ULK1: variants seen among roughly 807,000 people sequenced by gnomAD.
ULK1 encodes serine/threonine-protein kinase ULK1.
A neutral mutation model predicts 117.5 loss-of-function variants in ULK1; 48 were observed. That is an observed-to-expected ratio of 0.41 (90% CI 0.32 to 0.52). ULK1 has a LOEUF of 0.52. Ranked by LOEUF, ULK1 falls within the 20% of genes least tolerant of loss-of-function variation. The pLI is 0.29. For synonymous variants in ULK1, 790 were observed against 637.8 expected (o/e 1.24, Z -3.60); for missense variants, 1,387 against 1,473.4 (o/e 0.94, Z 0.96).
chr12:131,916,316 C>A (rs764828596), intron 19 of ULK1, 82 bp from the exon 20 acceptor site: 22 of 1,514,802 alleles, frequency 1.5e-5, no homozygotes, highest in Non-Finnish European at 1.9e-5. Context: ...CCAGTTCCTG[C>A]GGACTCGGCC....
intron 3 of ULK1, among the ~76,000 whole-genome samples, chr12:131,904,919 A>C (rs1889215837): frequency 6.6e-6 from 1 of 152,124 alleles, no homozygotes; most frequent in East Asian, 1.9e-4. Flanking sequence ...CTGTCCCTGC[A>C]GTCCCCCTTG....
chr12:131,917,439 G>A lies in ULK1; in HGVS notation c.2211G>A (p.Leu737=). 2 of 1,541,216 alleles carry A rather than the reference G, an allele frequency of 1.3e-6. No individual in the cohort carries two copies. The highest frequency in any genetic ancestry group is 2.4e-5 in the East Asian group (1 of 40,878). Residue 737 remains leucine, a synonymous_variant, in exon 22 of 28, where the codon CTG becomes CTA. Coordinates refer to ENST00000321867, the MANE Select transcript of ULK1 (RefSeq NM_003565.4). ...CCTCAGCTGGCTTTGGAGGGAGCCT[G>A]CACCCAGGAGCCCGTGCTGGGGGCA... ...IAPSAGFGGS[L]HPGARAGGTS...
rs200379701 is a variant in ULK1 at position 131,895,769 on chromosome 12, G to C, written c.205-14G>C. ...CCTCCCCACACTGATAACAAACTTG[G>C]GTTTCTGTCCTAGGAACTGAAACAT... On this transcript the variant is annotated splice_polypyrimidine_tract_variant and intron_variant, in intron 2 of 27. Coordinates refer to ENST00000321867, the MANE Select transcript of ULK1 (RefSeq NM_003565.4). The C allele has an allele frequency of 6.2e-7, 1 of 1,613,976 alleles. No individual in the cohort carries two copies.
rs1000378314 is a variant in ULK1 at position 131,921,879 on chromosome 12, C to A, written c.*518C>A. On this transcript the variant is annotated 3_prime_UTR_variant, in exon 28 of 28. Transcript: ENST00000321867. ...GACAGAACCTGGACCTCACCAGGGA[C>A]TGCTGGGCAGCGATTCCTGGCAGTG... is the stretch of plus-strand genomic sequence containing the variant. 4 of 458,480 alleles carry A rather than the reference C, an allele frequency of 8.7e-6. No individual in the cohort carries two copies. The highest frequency in any genetic ancestry group is 8.0e-5 in the African/African-American group (4 of 50,178). The allele number at this position is 458,480 out of a possible 1,614,324, so 28.4% of individuals were successfully genotyped here. A position where few individuals can be genotyped will look rare whatever the true frequency, so the allele number is the denominator to read the frequency against.
chr12:131,895,036 G>C lies in ULK1; in HGVS notation c.35G>C (p.Gly12Ala). 1 of 1,576,880 alleles carries C rather than the reference G, an allele frequency of 6.3e-7. No individual in the cohort carries two copies. ...EPGRGGTETV[G>A]KFEFSRKDLI... Reference sequence around the variant, plus strand: ...GGCCGCGGCGGCACAGAGACCGTGGGCAAGTTCGAGTTCTCCCGCAAGGAC... The same window carrying C: ...GGCCGCGGCGGCACAGAGACCGTGGCCAAGTTCGAGTTCTCCCGCAAGGAC... Residue 12 changes from glycine to alanine, a missense_variant, in exon 1 of 28, where the codon GGC (glycine) becomes GCC (alanine). Gly to Ala is a moderately conservative substitution (Grantham distance 60, BLOSUM62 0). Coordinates refer to ENST00000321867, the MANE Select transcript of ULK1 (RefSeq NM_003565.4).
At chr12:131,916,928 A>G (rs1245663723) in intron 20 of ULK1, 25 bp from the exon 21 acceptor site, 2 of 1,586,294 alleles carry the variant, frequency 1.3e-6, no homozygotes, top group African/African-American at 2.7e-5. Context: ...CCGGGCACCC[A>G]GCACAGCCCT....
chr12:131,911,912 C>T (rs149791107), intron 12 of ULK1, 30 bp from the exon 13 acceptor site: 5 of 1,612,730 alleles, frequency 3.1e-6, no homozygotes, highest in Non-Finnish European at 4.2e-6. Context: ...TCCCTGAGAC[C>T]TGCTCACCAG....
At position 131,903,293 on chromosome 12, in the gene ULK1, C is replaced by T. The variant is rs1242878951; in HGVS notation, c.247-3599C>T. Among the ~76,000 whole-genome samples the T allele has an allele frequency of 1.3e-5, 2 of 152,228 alleles. No homozygotes were observed. Among genetic ancestry groups the T allele is most frequent in the Non-Finnish European group, 2.9e-5 (2 of 68,032 alleles). ...GGGTTGGAGACAGCAAGGCTAGGTC[C>T]TTCCGGGGACACAGAGGGTGACTGG... is the stretch of plus-strand genomic sequence containing the variant. On this transcript the variant is annotated intron_variant, in intron 3 of 27. Transcript: ENST00000321867. The surrounding 1 kb of genome is among the most constrained non-coding windows in gnomAD (Gnocchi z 6.0).
chr12:131,915,501 C>G, intron 18 of ULK1, 80 bp downstream of exon 18: 1 of 1,507,502 alleles, frequency 6.6e-7, no homozygotes, highest in Non-Finnish European at 8.9e-7. Context: ...AAAGCCCTTG[C>G]TCTTTCCAAG....
rs1246783301 is a variant in ULK1 at position 131,919,487 on chromosome 12, G to C, written c.2700G>C (p.Leu900=). 6 of 1,611,580 alleles carry C rather than the reference G, an allele frequency of 3.7e-6. No homozygotes were observed. The highest frequency in any genetic ancestry group is 3.3e-4 in the Middle Eastern group (2 of 6,050). The change falls in exon 25 of 28, where the codon CTG becomes CTC. Residue 900 remains leucine (L), a synonymous_variant. Coordinates refer to ENST00000321867, the MANE Select transcript of ULK1 (RefSeq NM_003565.4). The part of the protein sequence containing the change: ...LSREWGFAEQ[L]VLYLKVAELL... ...CCGCCCCCAGCTTCGCGGAACAGCT[G>C]GTGCTGTACCTGAAGGTGGCCGAGC...
At chr12:131,906,149 A>G (rs1889265324) in intron 3 of ULK1, among the ~76,000 whole-genome samples, 1 of 151,914 alleles carries the variant, frequency 6.6e-6, no homozygotes, top group African/African-American at 2.4e-5. Flanking sequence ...GCTGGAGTGC[A>G]GTGGCACAGT....
chr12:131,909,463 C>T (rs377198566), intron 8 of ULK1, among the ~76,000 whole-genome samples: 2 of 152,116 alleles, frequency 1.3e-5, no homozygotes, highest in East Asian at 1.9e-4. Context: ...AGGCCTCCCT[C>T]GCCTGTCTGG....
chr12:131,908,513 C>CGG, intron 5 of ULK1, 131 bp from the exon 6 acceptor site: 1 of 1,173,100 alleles, frequency 8.5e-7, no homozygotes, highest in Non-Finnish European at 1.1e-6. Context: ...CCTCCTGACC[C>CGG]GGGGTTTCCT....
In ULK1 at chr12:131,922,158, T is replaced by C. The variant is rs1890178830; in HGVS notation, c.*797T>C. 2.7e-6 allele frequency: 1 copy of C among 371,666 alleles called. No homozygotes were observed. Among genetic ancestry groups the C allele is most frequent in the African/African-American group, 2.1e-5 (1 of 46,998 alleles). The allele number at this position is 371,666 out of a possible 1,614,324, so 23.0% of individuals were successfully genotyped here. ...ACTTTATTCCTAAAACGTGTCTTATTTTTATGCAGCTCATTTTTTCTTTAA... is the reference window on the plus strand; with the variant it reads ...ACTTTATTCCTAAAACGTGTCTTATCTTTATGCAGCTCATTTTTTCTTTAA... On this transcript the variant is annotated 3_prime_UTR_variant, in exon 28 of 28. Coordinates refer to ENST00000321867, the MANE Select transcript of ULK1 (RefSeq NM_003565.4).
rs756859690 is a variant in ULK1 at position 131,910,733 on chromosome 12, CG to C, written c.882del (p.Tyr295ThrfsTer88). 6.2e-7 allele frequency: 1 copy of C among 1,613,054 alleles called. No homozygotes were observed. The highest frequency in any genetic ancestry group is 8.5e-7 in the Non-Finnish European group (1 of 1,179,916). The part of the protein sequence containing the change: ...VRKSPPVPVP[S>X]YPSSGSGSSS... ...TCAGCCCCACCCGTGCCTGTGCCCT[CG>C]TACCCAAGCTCGGGGTCCGGCAGCA... On this transcript the variant is annotated frameshift_variant, in exon 12 of 28. Transcript: ENST00000321867. LOFTEE classifies it high-confidence loss of function.
At chr12:131,909,662 C>T (rs985461481) in intron 8 of ULK1, 113 bp from the exon 9 acceptor site, 10 of 1,163,218 alleles carry the variant, frequency 8.6e-6, no homozygotes, top group South Asian at 4.8e-5. Context: ...CGGTTTCCCC[C>T]GGGCTTCGCA....
chr12:131,914,107 C>T (rs940767470), intron 15 of ULK1, among the ~76,000 whole-genome samples: 3 of 152,254 alleles, frequency 2.0e-5, no homozygotes, highest in Non-Finnish European at 2.9e-5. Context: ...GGCCAGGGCC[C>T]CGGCCAGGGT....
At chr12:131,895,979 C>G (rs1888850173) in intron 3 of ULK1, among the ~76,000 whole-genome samples, 155 bp downstream of exon 3, 1 of 152,002 alleles carries the variant, frequency 6.6e-6, no homozygotes, top group African/African-American at 2.4e-5. Context: ...TGGGCTGGTG[C>G]TGGCTCTTGC....
At chr12:131,918,316 A>C in intron 22 of ULK1, 181 bp from the exon 23 acceptor site, 2 of 720,044 alleles carry the variant, frequency 2.8e-6, no homozygotes, top group African/African-American at 1.8e-5. Flanking sequence ...GTGAGTGGCA[A>C]GAGGTTGAGG....
Sources: gnomAD v4.1 joint callset for allele counts (sites outside exome capture counted in the v4.1 genomes callset) on GRCh38, gnomAD v4.1.1 for gene constraint, Gnocchi (gnomAD v3.1) non-coding constraint, MANE v1.5 for transcripts, NCBI Gene and HGNC (gene_info 2026-07-23, HGNC 2026-07-21) for gene names.